Variants in IL2RA observed in about 807,000 individuals in gnomAD.
IL2RA encodes interleukin 2 receptor subunit alpha.
In IL2RA, 24 loss-of-function variants were observed where a neutral mutation model predicts 37.8. The ratio of observed to expected loss-of-function variants is 0.63; its 90% CI spans 0.46 to 0.89. The LOEUF is 0.89. Among genes scored for constraint, IL2RA ranks in the 40% least tolerant of loss-of-function variants. IL2RA has a pLI of 0.00. For missense variants in IL2RA, 319 were observed against 348.6 expected (o/e 0.92, Z 0.68); for synonymous variants, 125 against 114.6 (o/e 1.09, Z -0.58).
rs1369166945 is a variant in IL2RA, at chr10:6,020,287, G to C, written c.584-346C>G. ...ACGAATGCCATTGAACCACTGGATG[G>C]AGCAGAGATGCACTAAGGGACAGCT... is the stretch of plus-strand genomic sequence containing the variant. On this transcript the variant is annotated intron_variant, in intron 4 of 7. Transcript: ENST00000379959. The surrounding 1 kb of genome is among the most constrained non-coding windows in gnomAD (Gnocchi z 5.6). Among the ~76,000 whole-genome samples, 2 of 152,130 alleles carry C rather than the reference G, an allele frequency of 1.3e-5. No homozygotes were observed. The highest frequency in any genetic ancestry group is 4.8e-5 in the African/African-American group (2 of 41,426).
chr10:6,045,502 C>T (rs1292667499), intron 1 of IL2RA, among the ~76,000 whole-genome samples: 3 of 152,066 alleles, frequency 2.0e-5, no homozygotes, highest in South Asian at 2.1e-4. Context: ...GGAGTCTTCT[C>T]GGTCGACAAC....
chr10:6,030,547 T>A (rs966923937), intron 1 of IL2RA, among the ~76,000 whole-genome samples: 3 of 152,072 alleles, frequency 2.0e-5, no homozygotes, highest in African/African-American at 7.2e-5. Flanking sequence ...AGAGACAATA[T>A]CCTCTAAAAA....
In IL2RA at chr10:6,024,417, A is replaced by G. The variant is rs188218084; in HGVS notation, c.257-63T>C. 1.7e-5 allele frequency: 20 copies of G among 1,204,560 alleles called. No homozygotes were observed. The East Asian group carries it at 4.5e-4, about 27-fold the overall frequency. 74.6% of individuals were successfully genotyped at this position (1,204,560 alleles called of 1,614,324 possible). On this transcript the variant is annotated intron_variant, in intron 2 of 7. Coordinates refer to ENST00000379959, the MANE Select transcript of IL2RA (RefSeq NM_000417.3). ...AAATGCTTCATAGAAAACACTGTTC[A>G]TGTATTCATTCACTTGAGAAGCACA...
intron 1 of IL2RA, among the ~76,000 whole-genome samples, chr10:6,042,479 C>T (rs945557055): frequency 2.0e-5 from 3 of 152,042 alleles, no homozygotes; most frequent in Non-Finnish European, 4.4e-5. Flanking sequence ...TATACAATTC[C>T]TGCTTTTATT....
Position 6,044,066 on chromosome 10 carries a change from A to G in IL2RA, c.64+18022T>C, listed in dbSNP as rs1001438412. ...GGCAAGTCCACAGCGGGGAAAGTCT[A>G]ACTCCCAATTTTATTTATGAAGTCA... On this transcript the variant is annotated intron_variant, in intron 1 of 7. Coordinates refer to ENST00000379959, the MANE Select transcript of IL2RA (RefSeq NM_000417.3). The surrounding 1 kb of genome is among the most constrained non-coding windows in gnomAD (Gnocchi z 4.5). Among the ~76,000 whole-genome samples, 2 of 152,192 alleles carry G rather than the reference A, an allele frequency of 1.3e-5. No individual in the cohort carries two copies. The highest frequency in any genetic ancestry group is 2.4e-5 in the African/African-American group (1 of 41,436).
intron 1 of IL2RA, among the ~76,000 whole-genome samples, chr10:6,055,702 C>T (rs1258517101): frequency 2.4e-4 from 8 of 32,980 alleles, no homozygotes; most frequent in African/African-American, 4.3e-4. Flanking sequence ...CTGGCCCGCT[C>T]TCAATGAGCT....
chr10:6,053,932 G>T (rs975651067), intron 1 of IL2RA, among the ~76,000 whole-genome samples: 1 of 152,234 alleles, frequency 6.6e-6, no homozygotes, highest in Non-Finnish European at 1.5e-5. Flanking sequence ...TGGGAAACGG[G>T]GGGACATGGG....
intron 1 of IL2RA, among the ~76,000 whole-genome samples, chr10:6,038,366 C>T (rs1839722233): frequency 1.3e-5 from 2 of 152,206 alleles, no homozygotes; most frequent in African/African-American, 4.8e-5. Flanking sequence ...TCAGAGGGCC[C>T]AGGCCCTCCA....
rs1589291296 is a variant in IL2RA, at chr10:6,018,181, C to G, written c.728-62G>C. The G allele has an allele frequency of 7.5e-7, 1 of 1,333,554 alleles. No homozygotes were observed. Among genetic ancestry groups the G allele is most frequent in the East Asian group, 2.3e-5 (1 of 43,324 alleles). 82.6% of individuals were successfully genotyped at this position (1,333,554 alleles called of 1,614,324 possible). On this transcript the variant is annotated intron_variant, in intron 6 of 7. Coordinates refer to ENST00000379959, the MANE Select transcript of IL2RA (RefSeq NM_000417.3). This position sits in a 1 kb window ranked among gnomAD's most constrained non-coding sequence, Gnocchi z 5.1. ...GGGCTTGGCATGGGGGCAGCAGGAG[C>G]CAGGGCCACAGGGCAGGCTGAGGAC...
rs77915483 is a variant in IL2RA at position 6,033,324 on chromosome 10, A to G, written c.65-7299T>C. ...ACAAAGAAACAAACAAACAACAACA[A>G]AAAAAAAACAAAAAAAGAAAGTATT... On this transcript the variant is annotated intron_variant, in intron 1 of 7. Coordinates refer to ENST00000379959, the MANE Select transcript of IL2RA (RefSeq NM_000417.3). The surrounding 1 kb of genome is among the most constrained non-coding windows in gnomAD (Gnocchi z 4.3). Among the ~76,000 whole-genome samples the G allele has an allele frequency of 2.2e-5, 2 of 89,276 alleles. No individual in the cohort carries two copies. The highest frequency in any genetic ancestry group is 6.1e-4 in the South Asian group (2 of 3,282). 58.6% of individuals were successfully genotyped at this position (89,276 alleles called of 152,430 possible).
chr10:6,058,138 G>GA lies in IL2RA; in HGVS notation c.64+3949dup, dbSNP rs956680014. 7.6e-4 allele frequency among the ~76,000 whole-genome samples: 114 copies of GA among 150,808 alleles called. 3 individuals are homozygous for GA. Among genetic ancestry groups the GA allele is most frequent in the South Asian group, 2.5e-3 (12 of 4,756 alleles). ...TGAGACCCTGTCTCAAAAAGGAAGA[G>GA]AAAAAAAAATCACAAAGAGGTATTC... On this transcript the variant is annotated intron_variant, in intron 1 of 7. Coordinates refer to ENST00000379959, the MANE Select transcript of IL2RA (RefSeq NM_000417.3). This position sits in a 1 kb window ranked among gnomAD's most constrained non-coding sequence, Gnocchi z 4.2.
At chr10:6,042,821 A>G (rs1839792593) in intron 1 of IL2RA, among the ~76,000 whole-genome samples, 1 of 152,204 alleles carries the variant, frequency 6.6e-6, no homozygotes. Context: ...TTTATTTTAT[A>G]TTATCAGATT....
intron 1 of IL2RA, among the ~76,000 whole-genome samples, chr10:6,032,654 C>T (rs960165430): frequency 6.8e-6 from 1 of 146,418 alleles, no homozygotes; most frequent in African/African-American, 2.5e-5. Flanking sequence ...GATCGCGTCA[C>T]TGCACTCCAG....
At position 6,025,290 on chromosome 10, in the gene IL2RA, G is replaced by T. The variant is rs547728131; in HGVS notation, c.256+544C>A. 1.1e-3 allele frequency among the ~76,000 whole-genome samples: 170 copies of T among 152,262 alleles called. 1 individual carries two copies. Among genetic ancestry groups the T allele is most frequent in the African/African-American group, 3.8e-3 (158 of 41,536 alleles). On this transcript the variant is annotated intron_variant, in intron 2 of 7. Coordinates refer to ENST00000379959, the MANE Select transcript of IL2RA (RefSeq NM_000417.3). The surrounding 1 kb of genome is among the most constrained non-coding windows in gnomAD (Gnocchi z 4.4). The stretch of plus-strand genomic sequence containing the variant: ...ATTCACTTGAACCCAGGAGGTGGAG[G>T]TTGCAGTGATCTGAGATTGTACCAC...
chr10:6,043,075 G>A (rs1391133474), intron 1 of IL2RA, among the ~76,000 whole-genome samples: 1 of 152,192 alleles, frequency 6.6e-6, no homozygotes, highest in Admixed American at 6.5e-5. Flanking sequence ...TTAGAGCATT[G>A]CTTGTAATAG....
chr10:6,018,185 G>T lies in IL2RA; in HGVS notation c.728-66C>A. On this transcript the variant is annotated intron_variant, in intron 6 of 7. Coordinates refer to ENST00000379959, the MANE Select transcript of IL2RA (RefSeq NM_000417.3). This position sits in a 1 kb window ranked among gnomAD's most constrained non-coding sequence, Gnocchi z 5.1. ...TTGGCATGGGGGCAGCAGGAGCCAG[G>T]GCCACAGGGCAGGCTGAGGACATCC... 2 of 1,262,546 alleles carry T rather than the reference G, an allele frequency of 1.6e-6. No homozygotes were observed. Among genetic ancestry groups the T allele is most frequent in the Non-Finnish European group, 2.3e-6 (2 of 864,592 alleles). 78.2% of individuals were successfully genotyped at this position (1,262,546 alleles called of 1,614,324 possible).
intron 1 of IL2RA, among the ~76,000 whole-genome samples, chr10:6,051,817 C>CTATATATATATATATATATA (rs61008683): frequency 0.085 from 2,842 of 33,300 alleles, 624 homozygotes; most frequent in Non-Finnish European, 0.11. Flanking sequence ...TCATGCCCAG[C>CTATATATATATATATATATA]TATATATATA....
In IL2RA at chr10:6,018,651, A is replaced by T. The variant is rs1406007139; in HGVS notation, c.728-532T>A. On this transcript the variant is annotated intron_variant, in intron 6 of 7. Coordinates refer to ENST00000379959, the MANE Select transcript of IL2RA (RefSeq NM_000417.3). This position sits in a 1 kb window ranked among gnomAD's most constrained non-coding sequence, Gnocchi z 5.1. The stretch of plus-strand genomic sequence containing the variant: ...ACGTGGCTCCTTCCTCCCACTCTTG[A>T]CCCCTGGCAGAGGCCCGGGGTACAG... 1.3e-5 allele frequency among the ~76,000 whole-genome samples: 2 copies of T among 151,912 alleles called. No individual in the cohort carries two copies. Among genetic ancestry groups the T allele is most frequent in the African/African-American group, 4.8e-5 (2 of 41,334 alleles).
rs1840005332 is a variant in IL2RA at position 6,054,014 on chromosome 10, C to T, written c.64+8074G>A. Among the ~76,000 whole-genome samples the T allele has an allele frequency of 6.6e-6, 1 of 152,230 alleles. No homozygotes were observed. On this transcript the variant is annotated intron_variant, in intron 1 of 7. Coordinates refer to ENST00000379959, the MANE Select transcript of IL2RA (RefSeq NM_000417.3). This position sits in a 1 kb window ranked among gnomAD's most constrained non-coding sequence, Gnocchi z 4.5. ...CTACTGGCACAGGATGTCAATACTC[C>T]TGATCCGTATCTTGCCTTCCCTCCA...
Sources: gnomAD v4.1 joint callset for allele counts (sites outside exome capture counted in the v4.1 genomes callset) on GRCh38, gnomAD v4.1.1 for gene constraint, Gnocchi (gnomAD v3.1) non-coding constraint, MANE v1.5 for transcripts, NCBI Gene and HGNC (gene_info 2026-07-23, HGNC 2026-07-21) for gene names.